DLC1: variants seen among roughly 807,000 people sequenced by gnomAD.
DLC1 encodes rho GTPase-activating protein 7.
A neutral mutation model predicts 140.3 loss-of-function variants in DLC1; 54 were observed. That is an observed-to-expected ratio of 0.38 (90% CI 0.31 to 0.48). The LOEUF is 0.48. Among genes scored for constraint, DLC1 ranks in the 20% least tolerant of loss-of-function variants. The pLI, the probability that DLC1 is intolerant of heterozygous loss-of-function variation, is 0.96. For synonymous variants in DLC1, 986 were observed against 728.1 expected (o/e 1.35, Z -5.70); for missense variants, 2,536 against 1,907.0 (o/e 1.33, Z -6.14).
intron 6 of DLC1, among the ~76,000 whole-genome samples, chr8:13,114,092 T>C (rs898903281): frequency 2.0e-5 from 3 of 152,230 alleles, no homozygotes; most frequent in Admixed American, 2.0e-4. Context: ...CCAGGCGTGG[T>C]TGCTCATGTC....
chr8:13,538,798 A>G (rs909448186), intron 1 of DLC1, among the ~76,000 whole-genome samples: 3 of 152,248 alleles, frequency 2.0e-5, no homozygotes, highest in Non-Finnish European at 4.4e-5. Flanking sequence ...CTCTTCACTT[A>G]CAATAACCTC....
At chr8:13,447,987 G>C (rs192922185) in intron 2 of DLC1, among the ~76,000 whole-genome samples, 1 of 152,124 alleles carries the variant, frequency 6.6e-6, no homozygotes, top group Admixed American at 6.5e-5. Context: ...TCTGTCCACA[G>C]TACAACAAAA....
At chr8:13,580,383 AG>A (rs1240709536) in intron 1 of DLC1, among the ~76,000 whole-genome samples, 1 of 152,136 alleles carries the variant, frequency 6.6e-6, no homozygotes, top group Non-Finnish European at 1.5e-5. Flanking sequence ...GGACTCCCAA[AG>A]TGCTGGGATT....
intron 4 of DLC1, among the ~76,000 whole-genome samples, chr8:13,324,632 T>C (rs892192386): frequency 1.3e-5 from 2 of 152,270 alleles, no homozygotes; most frequent in East Asian, 1.9e-4. Context: ...AGTTTTATTT[T>C]ACTTTTTCTT....
At chr8:13,149,174 C>G (rs1823638410) in intron 5 of DLC1, among the ~76,000 whole-genome samples, 1 of 152,166 alleles carries the variant, frequency 6.6e-6, no homozygotes, top group Non-Finnish European at 1.5e-5. Flanking sequence ...TTCTATTATC[C>G]TGAGAGAGCT....
chr8:13,258,860 G>A (rs774519882), intron 5 of DLC1, among the ~76,000 whole-genome samples: 7 of 152,208 alleles, frequency 4.6e-5, no homozygotes, highest in Non-Finnish European at 7.4e-5. Context: ...AAATTAGGCC[G>A]GGCGCGGTGG....
intron 1 of DLC1, among the ~76,000 whole-genome samples, chr8:13,576,567 G>T (rs1213868945): frequency 6.6e-6 from 1 of 152,146 alleles, no homozygotes; most frequent in African/African-American, 2.4e-5. Context: ...TGAGAGAGTC[G>T]ATTGCTATTT....
intron 5 of DLC1, among the ~76,000 whole-genome samples, chr8:13,117,370 C>T (rs1029638060): frequency 4.6e-5 from 7 of 151,708 alleles, no homozygotes; most frequent in African/African-American, 1.7e-4. Context: ...CCCAGCTACT[C>T]TGGAGGCTGA....
At chr8:13,172,535 C>T (rs192927183) in intron 5 of DLC1, among the ~76,000 whole-genome samples, 4 of 152,244 alleles carry the variant, frequency 2.6e-5, no homozygotes, top group African/African-American at 4.8e-5. Flanking sequence ...AAATGTTAAC[C>T]GTTATTATAA....
chr8:13,133,219 CT>C, intron 5 of DLC1: 1 of 1,419,080 alleles, frequency 7.0e-7, no homozygotes, highest in Non-Finnish European at 9.2e-7. Context: ...GCCGGCGCTC[CT>C]GATGCGGAGA....
At chr8:13,134,222 A>C (rs1822381770) in intron 5 of DLC1, among the ~76,000 whole-genome samples, 1 of 152,192 alleles carries the variant, frequency 6.6e-6, no homozygotes, top group Non-Finnish European at 1.5e-5. Context: ...AAAAATCCAG[A>C]ACTGGATTCC....
At chr8:13,515,463 A>T (rs1374602910), upstream of DLC1, 1 of 152,208 alleles carries the variant, frequency 6.6e-6, no homozygotes. Flanking sequence ...CATTACCTCT[A>T]GTCAGAATCC....
chr8:13,293,717 A>T (rs945788143), intron 5 of DLC1, among the ~76,000 whole-genome samples: 1 of 152,308 alleles, frequency 6.6e-6, no homozygotes, highest in East Asian at 1.9e-4. Context: ...ATACCAACAA[A>T]GTGCCACTTT....
chr8:13,204,464 G>A (rs766030149), intron 5 of DLC1, among the ~76,000 whole-genome samples: 1 of 152,052 alleles, frequency 6.6e-6, no homozygotes, highest in Non-Finnish European at 1.5e-5. Flanking sequence ...TAATGAGCAA[G>A]GATTAAATTT....
rs1347255860 is a variant in DLC1, at chr8:13,382,156, T to C, written c.1314+11397A>G. Among the ~76,000 whole-genome samples, 56 of 152,080 alleles carry C rather than the reference T, an allele frequency of 3.7e-4. 1 individual carries two copies. Among genetic ancestry groups the C allele is most frequent in the Admixed American group, 3.7e-3 (56 of 15,268 alleles). ...TACCTAAAGAATATAATGATCTAGA[T>C]AAGGAGATTTCCAGGCTTGGTTAAA... On this transcript the variant is annotated intron_variant, in intron 4 of 17. Transcript: ENST00000276297.
intron 5 of DLC1, among the ~76,000 whole-genome samples, chr8:13,197,657 T>G (rs957515973): frequency 2.0e-5 from 3 of 152,128 alleles, no homozygotes; most frequent in Non-Finnish European, 4.4e-5. Context: ...ATTTATTTTT[T>G]TTTAAAAGAG....
chr8:13,450,621 T>A (rs1798995333), intron 2 of DLC1, among the ~76,000 whole-genome samples: 1 of 152,146 alleles, frequency 6.6e-6, no homozygotes, highest in African/African-American at 2.4e-5. Flanking sequence ...TTTAATTTTG[T>A]TAGAATATAA....
intron 5 of DLC1, among the ~76,000 whole-genome samples, chr8:13,294,549 A>C (rs1831875777): frequency 2.0e-5 from 3 of 152,218 alleles, no homozygotes; most frequent in Admixed American, 2.0e-4. Flanking sequence ...AATTTCTGGA[A>C]GGGAAACAGG....
chr8:13,091,201 T>C (rs929555778), intron 14 of DLC1, 117 bp downstream of exon 14: 9 of 804,506 alleles, frequency 1.1e-5, no homozygotes, highest in Admixed American at 1.1e-4. Context: ...AGGCTATTTA[T>C]ACCGTCTCCA....
Sources: allele counts gnomAD v4.1 joint callset (sites outside exome capture counted in the v4.1 genomes callset), GRCh38; gene constraint gnomAD v4.1.1; transcripts MANE v1.5; gene names NCBI Gene and HGNC (gene_info 2026-07-23, HGNC 2026-07-21).